SRPRA: variants seen among roughly 807,000 people sequenced by gnomAD.
SRPRA encodes the protein SRP receptor subunit alpha.
Under a neutral mutation model 61.1 loss-of-function variants are expected in SRPRA, and 30 were observed. The observed-to-expected ratio is 0.49, with a 90% CI of 0.37 to 0.67. The LOEUF is 0.67. SRPRA is among the 30% of genes least tolerant of loss of function. SRPRA has a pLI of 0.00. For synonymous variants in SRPRA, 324 were observed against 299.7 expected (o/e 1.08, Z -0.84); for missense variants, 759 against 828.4 (o/e 0.92, Z 1.03).
chr11:126,268,446 CGGA>C (rs1237871877), intron 1 of SRPRA, among the ~76,000 whole-genome samples: 2 of 152,066 alleles, frequency 1.3e-5, no homozygotes, highest in Non-Finnish European at 2.9e-5. Context: ...ATAGAGGGAG[CGGA>C]GGAGAATCCC....
At chr11:126,256,003 G>T in the SRPRA span, among the ~76,000 whole-genome samples, 1 of 151,656 alleles carries the variant, frequency 6.6e-6, no homozygotes, top group African/African-American at 2.4e-5. This position sits in a 1 kb window ranked among gnomAD's most constrained non-coding sequence, Gnocchi z 6.6. Flanking sequence ...AAGTGCAGTG[G>T]CTCACGCCTG....
chr11:126,236,250 A>G, the SRPRA span, among the ~76,000 whole-genome samples: 2 of 152,232 alleles, frequency 1.3e-5, no homozygotes, highest in African/African-American at 4.8e-5. Flanking sequence ...GTCCTTGCAT[A>G]GCCTCCTAAG....
the SRPRA span, among the ~76,000 whole-genome samples, chr11:126,237,672 G>T: frequency 1.1e-5 from 1 of 88,650 alleles, no homozygotes; most frequent in Admixed American, 1.5e-4. Context: ...GTGAAACCCT[G>T]TCTCTACTAA....
At chr11:126,238,820 C>T in the SRPRA span, among the ~76,000 whole-genome samples, 1 of 152,012 alleles carries the variant, frequency 6.6e-6, no homozygotes, top group East Asian at 1.9e-4. Context: ...AATGTTGTTG[C>T]CCTTTGACCT....
At chr11:126,243,991 C>T in the SRPRA span, among the ~76,000 whole-genome samples, 1 of 151,118 alleles carries the variant, frequency 6.6e-6, no homozygotes, top group Admixed American at 6.6e-5. Context: ...TCAGTAGGTG[C>T]AGAAAAAACA....
the SRPRA span, chr11:126,254,299 G>A: frequency 6.2e-7 from 1 of 1,613,518 alleles, no homozygotes; most frequent in Non-Finnish European, 8.5e-7. Context: ...TATGTGTGTT[G>A]TGCAGGTCCT....
downstream of SRPRA, among the ~76,000 whole-genome samples, chr11:126,259,878 A>G (rs867617943): frequency 7.8e-4 from 110 of 140,674 alleles, 1 homozygote; most frequent in Middle Eastern, 0.059. Context: ...CCGCCACCAC[A>G]CCCGGCTAAT....
At chr11:126,257,548 A>C in the SRPRA span, among the ~76,000 whole-genome samples, 1 of 151,986 alleles carries the variant, frequency 6.6e-6, no homozygotes, top group Non-Finnish European at 1.5e-5. Flanking sequence ...ATATGAGTAA[A>C]GGAAGAAAAA....
Position 126,265,960 on chromosome 11 carries a change from T to C in SRPRA, c.1051+3A>G. 1 of 1,614,070 alleles carries C rather than the reference T, an allele frequency of 6.2e-7. No individual in the cohort carries two copies. The highest frequency in any genetic ancestry group is 8.5e-7 in the Non-Finnish European group (1 of 1,179,958). The stretch of plus-strand genomic sequence containing the variant: ...ATGAGTCAGCCCGGTCCTCAGAACT[T>C]ACCAATGAGATGATCACGCATCTTG... On this transcript the variant is annotated splice_donor_region_variant and intron_variant, in intron 8 of 13. Transcript: ENST00000332118. The surrounding 1 kb of genome is among the most constrained non-coding windows in gnomAD (Gnocchi z 6.3).
At chr11:126,248,358 C>CTTCTT in the SRPRA span, among the ~76,000 whole-genome samples, 1 of 36,966 alleles carries the variant, frequency 2.7e-5, no homozygotes, top group African/African-American at 1.2e-4. Context: ...TAGTAGTTGA[C>CTTCTT]TTTTTTTTTT....
At chr11:126,243,225 T>C in the SRPRA span, among the ~76,000 whole-genome samples, 1 of 152,286 alleles carries the variant, frequency 6.6e-6, no homozygotes, top group Non-Finnish European at 1.5e-5. Context: ...TGCTAAAAAA[T>C]AGAGTAGGAG....
Position 126,266,848 on chromosome 11 carries a change from C to T in SRPRA, c.601G>A (p.Gly201Arg), listed in dbSNP as rs747396387. The change falls in exon 5 of 14, where the codon GGA (glycine) becomes AGA (arginine). Residue 201 changes from glycine to arginine, a missense_variant. Physicochemically the swap from Gly to Arg is moderately radical, Grantham distance 125. Around this residue, in one of 2 missense-constraint regions of SRPRA, gnomAD observed 475 missense variants for 462.5 expected, o/e 1.03. Transcript: ENST00000332118. ...AGCTCCTCTTTGGAAAGTTCTACTCCGTTCTCAGGACCCACTGGAAGACCT... is the reference window on the plus strand; with the variant it reads ...AGCTCCTCTTTGGAAAGTTCTACTCTGTTCTCAGGACCCACTGGAAGACCT... ...KSGLPVGPEN[G>R]VELSKEELIR... The T allele has an allele frequency of 5.6e-6, 9 of 1,614,098 alleles. No homozygotes were observed. The highest frequency in any genetic ancestry group is 1.6e-4 in the Middle Eastern group (1 of 6,084).
At chr11:126,262,253 T>G, downstream of SRPRA, 1 of 1,111,314 alleles carries the variant, frequency 9.0e-7, no homozygotes, top group Non-Finnish European at 1.4e-6. Flanking sequence ...TAGCCAGAGG[T>G]TGAAGGGCGG....
Position 126,264,010 on chromosome 11 carries a change from C to G in SRPRA, c.1823G>C (p.Ser608Thr). Residue 608 changes from serine to threonine, a missense_variant, in exon 14 of 14, where the codon AGC (serine) becomes ACC (threonine). Physicochemically the swap from Ser to Thr is moderately conservative, Grantham distance 58 (BLOSUM62 1). Coordinates refer to ENST00000332118, the MANE Select transcript of SRPRA (RefSeq NM_003139.4). This position sits in a 1 kb window ranked among gnomAD's most constrained non-coding sequence, Gnocchi z 5.0. The part of the protein sequence containing the change: ...GAAISMTYIT[S>T]KPIVFVGTGQ... ...GGTGCCCACAAAGACGATGGGTTTG[C>G]TTGTGATGTACGTCATAGAAATAGC... 1 of 1,614,170 alleles carries G rather than the reference C, an allele frequency of 6.2e-7. No individual in the cohort carries two copies.
At chr11:126,254,888 G>A in the SRPRA span, among the ~76,000 whole-genome samples, 2 of 152,214 alleles carry the variant, frequency 1.3e-5, no homozygotes, top group African/African-American at 4.8e-5. Flanking sequence ...TTATGGGTGT[G>A]CATGCTGTCT....
Position 126,265,187 on chromosome 11 carries a change from T to C in SRPRA, c.1312-15A>G, listed in dbSNP as rs760012160. 1.1e-5 allele frequency: 18 copies of C among 1,613,984 alleles called. No individual in the cohort carries two copies. In the East Asian group the frequency reaches 4.0e-4, roughly 36 times the overall value. On this transcript the variant is annotated splice_polypyrimidine_tract_variant and intron_variant, in intron 10 of 13. Transcript: ENST00000332118. This position sits in a 1 kb window ranked among gnomAD's most constrained non-coding sequence, Gnocchi z 6.3. ...CAGAAGGAAATCTGTGAAAAAGACGTAAGAAAAGTCACCTAAAGCCAGGAT... is the reference window on the plus strand; with the variant it reads ...CAGAAGGAAATCTGTGAAAAAGACGCAAGAAAAGTCACCTAAAGCCAGGAT...
chr11:126,264,843 A>T lies in SRPRA; in HGVS notation c.1525+116T>A. ...TGGCAAGTAACTGATCTGACTTTTT[A>T]CTGTAATTGACCAACGAGTCTGTAG... On this transcript the variant is annotated intron_variant, in intron 11 of 13. Transcript: ENST00000332118. This position sits in a 1 kb window ranked among gnomAD's most constrained non-coding sequence, Gnocchi z 5.0. 2.0e-6 allele frequency: 2 copies of T among 1,008,444 alleles called. No individual in the cohort carries two copies. Among genetic ancestry groups the T allele is most frequent in the Non-Finnish European group, 2.8e-6 (2 of 704,138 alleles). The allele number at this position is 1,008,444 out of a possible 1,614,324, so 62.5% of individuals were successfully genotyped here.
the SRPRA span, among the ~76,000 whole-genome samples, chr11:126,248,394 G>A: frequency 1.6e-5 from 1 of 62,964 alleles, no homozygotes; most frequent in Non-Finnish European, 2.7e-5. Context: ...TTTTGAGATG[G>A]AGTTTCGCTC....
At position 126,264,130 on chromosome 11, in the gene SRPRA, T is replaced by G; in HGVS notation, c.1788+61A>C. The stretch of plus-strand genomic sequence containing the variant: ...AACAGGAAGCGCTGGAGCCAAGATT[T>G]CCTTGCAGCCTCAGCTCCTTTGTGC... On this transcript the variant is annotated intron_variant, in intron 13 of 13. Coordinates refer to ENST00000332118, the MANE Select transcript of SRPRA (RefSeq NM_003139.4). This position sits in a 1 kb window ranked among gnomAD's most constrained non-coding sequence, Gnocchi z 5.0. 1 of 1,612,102 alleles carries G rather than the reference T, an allele frequency of 6.2e-7. No individual in the cohort carries two copies.
Sources: gnomAD v4.1 joint callset for allele counts (sites outside exome capture counted in the v4.1 genomes callset) on GRCh38, gnomAD v4.1.1 for gene constraint, gnomAD v4.1.1 regional missense constraint, Gnocchi (gnomAD v3.1) non-coding constraint, MANE v1.5 for transcripts, NCBI Gene and HGNC (gene_info 2026-07-23, HGNC 2026-07-21) for gene names.